Variants in SBF2 observed in about 807,000 individuals in gnomAD.
The protein encoded by SBF2 is SET binding factor 2.
A neutral mutation model predicts 225.2 loss-of-function variants in SBF2; 112 were observed. The ratio of observed to expected loss-of-function variants is 0.50; its 90% CI spans 0.43 to 0.58. The LOEUF (loss-of-function observed/expected upper bound fraction) is 0.58, where lower values mean the gene tolerates loss of function less well. Ranked by LOEUF, SBF2 falls within the 20% of genes least tolerant of loss-of-function variation. SBF2 has a pLI of 0.00. For synonymous variants in SBF2, 763 were observed against 773.3 expected (o/e 0.99, Z 0.22); for missense variants, 1,996 against 2,206.2 (o/e 0.90, Z 1.91).
intron 17 of SBF2, among the ~76,000 whole-genome samples, chr11:9,880,395 A>G (rs190370350): frequency 7.1e-4 from 108 of 152,324 alleles, no homozygotes; most frequent in East Asian, 1.9e-4. Flanking sequence ...CAATGTTCCT[A>G]CATCCCTGTA....
chr11:10,204,416 A>G (rs1253113303), intron 1 of SBF2, among the ~76,000 whole-genome samples: 2 of 152,020 alleles, frequency 1.3e-5, no homozygotes, highest in East Asian at 3.9e-4. Context: ...CAAGGCAGGC[A>G]GATCACGAGG....
chr11:10,231,636 T>C (rs12279265), intron 1 of SBF2, among the ~76,000 whole-genome samples: 63,388 of 152,078 alleles, frequency 0.42, 13,980 homozygotes, highest in Non-Finnish European at 0.48. Flanking sequence ...ATTGGTGAAC[T>C]GCAAATGCTG....
At chr11:9,932,674 A>G (rs956642465) in intron 16 of SBF2, among the ~76,000 whole-genome samples, 1 of 152,138 alleles carries the variant, frequency 6.6e-6, no homozygotes, top group East Asian at 1.9e-4. Flanking sequence ...CACTGCAAAA[A>G]CATGTCAAAT....
At chr11:10,105,268 G>A (rs1952499425) in intron 2 of SBF2, among the ~76,000 whole-genome samples, 1 of 152,134 alleles carries the variant, frequency 6.6e-6, no homozygotes, top group Admixed American at 6.5e-5. Context: ...AGAGAGGGGT[G>A]AAGAAATACC....
At chr11:9,826,568 C>A (rs1216763864) in intron 28 of SBF2, among the ~76,000 whole-genome samples, 1 of 151,744 alleles carries the variant, frequency 6.6e-6, no homozygotes, top group Non-Finnish European at 1.5e-5. Context: ...AGAGCTAGGG[C>A]CAATATGTAA....
chr11:10,259,366 A>G (rs550655924), intron 1 of SBF2, among the ~76,000 whole-genome samples: 8 of 152,354 alleles, frequency 5.3e-5, no homozygotes, highest in African/African-American at 1.7e-4. Flanking sequence ...AGCTGTCTGT[A>G]AAGTGCTCTG....
intron 17 of SBF2, among the ~76,000 whole-genome samples, chr11:9,877,049 T>C (rs1369361950): frequency 6.6e-6 from 1 of 152,180 alleles, no homozygotes; most frequent in African/African-American, 2.4e-5. Context: ...TAGAACTTTG[T>C]TTATACTTCT....
At chr11:10,086,930 G>A (rs1951586956) in intron 2 of SBF2, among the ~76,000 whole-genome samples, 1 of 152,178 alleles carries the variant, frequency 6.6e-6, no homozygotes, top group Non-Finnish European at 1.5e-5. Flanking sequence ...TCCAAAAGGA[G>A]CAATTCGCAC....
At chr11:9,922,067 T>C (rs1256220207) in intron 16 of SBF2, among the ~76,000 whole-genome samples, 1 of 151,866 alleles carries the variant, frequency 6.6e-6, no homozygotes, top group Non-Finnish European at 1.5e-5. Context: ...GGCAACATAG[T>C]GGGACTCCGA....
intron 26 of SBF2, among the ~76,000 whole-genome samples, chr11:9,833,710 G>A (rs1366619251): frequency 4.0e-5 from 6 of 150,810 alleles, no homozygotes; most frequent in Non-Finnish European, 8.9e-5. Context: ...ATGAGCCACC[G>A]TGCCCAGCTG....
At chr11:10,008,593 T>C (rs1362875098) in intron 6 of SBF2, among the ~76,000 whole-genome samples, 3 of 108,240 alleles carry the variant, frequency 2.8e-5, no homozygotes, top group South Asian at 3.2e-4. Flanking sequence ...TCCCAAATAA[T>C]TGCATTGGTA....
At chr11:9,832,562 A>G in intron 26 of SBF2, 142 bp from the exon 27 acceptor site, 1 of 686,154 alleles carries the variant, frequency 1.5e-6, no homozygotes, top group Non-Finnish European at 2.6e-6. Context: ...AAGATTCAGA[A>G]ACATATTAGT....
chr11:10,132,666 T>C (rs1464443778), intron 2 of SBF2, among the ~76,000 whole-genome samples: 1 of 148,764 alleles, frequency 6.7e-6, no homozygotes. Context: ...GAGTGAGCAG[T>C]AGCAAGATTT....
chr11:10,011,830 T>C (rs139680724), intron 6 of SBF2, among the ~76,000 whole-genome samples: 6 of 151,790 alleles, frequency 4.0e-5, no homozygotes, highest in African/African-American at 1.4e-4. Context: ...TACATGGGGA[T>C]TTTTTTACTG....
At chr11:10,261,039 GAGC>G (rs1007061374) in intron 1 of SBF2, among the ~76,000 whole-genome samples, 15 of 152,038 alleles carry the variant, frequency 9.9e-5, no homozygotes, top group Admixed American at 2.6e-4. Context: ...CTTCACCAAA[GAGC>G]AGAAGAAAAA....
intron 2 of SBF2, among the ~76,000 whole-genome samples, chr11:10,176,686 G>C (rs1192005663): frequency 6.6e-6 from 1 of 152,234 alleles, no homozygotes; most frequent in Non-Finnish European, 1.5e-5. Context: ...AGCTGAAACT[G>C]TGGCAATAAT....
rs78804875 is a variant in SBF2, at chr11:9,842,428, A to T, written c.3256+197T>A. On this transcript the variant is annotated intron_variant, in intron 25 of 39. Transcript: ENST00000256190. ...TGTATGAATTTAGTAAAGAAGTATA[A>T]TTTAACAAAATATTACCTGAACAAT... Among the ~76,000 whole-genome samples, 41 of 152,348 alleles carry T rather than the reference A, an allele frequency of 2.7e-4. 1 individual carries two copies. In the East Asian group the frequency reaches 7.1e-3, roughly 26 times the overall value.
intron 16 of SBF2, among the ~76,000 whole-genome samples, chr11:9,920,179 T>C (rs1469985360): frequency 8.4e-6 from 1 of 118,516 alleles, no homozygotes; most frequent in Non-Finnish European, 1.9e-5. Context: ...CTGCAAATAC[T>C]ATATGTGTGT....
At chr11:10,223,525 C>T (rs1958430069) in intron 1 of SBF2, among the ~76,000 whole-genome samples, 1 of 148,704 alleles carries the variant, frequency 6.7e-6, no homozygotes. Flanking sequence ...TAGTATTGTA[C>T]TGTATTTATC....
Sources: gnomAD v4.1 joint callset for allele counts (sites outside exome capture counted in the v4.1 genomes callset) on GRCh38, gnomAD v4.1.1 for gene constraint, MANE v1.5 for transcripts, NCBI Gene and HGNC (gene_info 2026-07-23, HGNC 2026-07-21) for gene names.